The following KCNQ4 variants were observed in gnomAD, a reference collection of about 807,000 sequenced individuals.
KCNQ4 encodes the protein potassium voltage-gated channel subfamily Q member 4.
Under a neutral mutation model 72.6 loss-of-function variants are expected in KCNQ4, and 31 were observed. The observed-to-expected ratio is 0.43, with a 90% CI of 0.32 to 0.58. The LOEUF (loss-of-function observed/expected upper bound fraction) is 0.58. Among genes scored for constraint, KCNQ4 ranks in the 20% least tolerant of loss-of-function variants. The pLI is 0.08. For missense variants in KCNQ4, 869 were observed against 962.6 expected (o/e 0.90, Z 1.29); for synonymous variants, 405 against 403.7 (o/e 1.00, Z -0.04).
chr1:40,822,423 G>T, intron 8 of KCNQ4, 21 bp downstream of exon 8: 1 of 1,454,140 alleles, frequency 6.9e-7, no homozygotes, highest in South Asian at 1.2e-5. Context: ...CTGGGGGTGG[G>T]GGTGGGTGGG....
chr1:40,838,567 C>T lies in KCNQ4; in HGVS notation c.*44C>T, dbSNP rs1382957239. The T allele has an allele frequency of 6.3e-7, 1 of 1,584,304 alleles. No homozygotes were observed. The highest frequency in any genetic ancestry group is 1.1e-5 in the South Asian group (1 of 90,414). On this transcript the variant is annotated 3_prime_UTR_variant, in exon 14 of 14. Transcript: ENST00000347132. The stretch of plus-strand genomic sequence containing the variant: ...GGCAGCACACGGCCAGCCCCGCGGC[C>T]TGGCGCTCCGACTGCCCTCTGAGGC...
intron 1 of KCNQ4, among the ~76,000 whole-genome samples, chr1:40,793,345 C>G (rs974445714): frequency 2.0e-5 from 3 of 152,088 alleles, no homozygotes; most frequent in Admixed American, 2.0e-4. Flanking sequence ...TGTGGCTTTT[C>G]TCTCTTGGTT....
At chr1:40,819,526 C>G in intron 5 of KCNQ4, 54 bp downstream of exon 5, 1 of 1,607,570 alleles carries the variant, frequency 6.2e-7, no homozygotes, top group Middle Eastern at 1.7e-4. Context: ...TCCCTGGGAA[C>G]TTCCCGAGGT....
intron 7 of KCNQ4, among the ~76,000 whole-genome samples, chr1:40,821,700 A>G (rs1453670732): frequency 1.3e-5 from 2 of 152,208 alleles, no homozygotes; most frequent in Admixed American, 6.5e-5. Context: ...AAGCACCCAC[A>G]TGTGCCAGAC....
chr1:40,838,875 C>G lies in KCNQ4; in HGVS notation c.*352C>G, dbSNP rs748376433. 1.1e-4 allele frequency: 42 copies of G among 392,130 alleles called. No homozygotes were observed. The highest frequency in any genetic ancestry group is 1.5e-4 in the Non-Finnish European group (31 of 207,756). The allele number at this position is 392,130 out of a possible 1,614,324, so 24.3% of individuals were successfully genotyped here. ...GGGCGCTGGGGCCCTGGGCCCTGAC[C>G]CAGCTTCCAGCTATGCAAGGTGAGG... is the stretch of plus-strand genomic sequence containing the variant. On this transcript the variant is annotated 3_prime_UTR_variant, in exon 14 of 14. Coordinates refer to ENST00000347132, the MANE Select transcript of KCNQ4 (RefSeq NM_004700.4).
At chr1:40,818,345 G>T in intron 3 of KCNQ4, 55 bp downstream of exon 3, 1 of 1,609,534 alleles carries the variant, frequency 6.2e-7, no homozygotes. Flanking sequence ...CCAGGGTGAC[G>T]CCTTTACTCC....
At position 40,818,051 on chromosome 1, in the gene KCNQ4, G is replaced by T. The variant is rs1648152225; in HGVS notation, c.406-113G>T. ...AAGTCCAGGAAACTCCAGGAGAGGG[G>T]TCCGAGGAGGCCCTGGTCCCCCTAA... is the stretch of plus-strand genomic sequence containing the variant. On this transcript the variant is annotated intron_variant, in intron 2 of 13. Transcript: ENST00000347132. 2.8e-6 allele frequency: 4 copies of T among 1,419,386 alleles called. No homozygotes were observed. In the East Asian group the frequency reaches 9.1e-5, roughly 32 times the overall value. The allele number at this position is 1,419,386 out of a possible 1,614,324, so 87.9% of individuals were successfully genotyped here. A position where few individuals can be genotyped will look rare whatever the true frequency, so the allele number is the denominator to read the frequency against.
chr1:40,818,083 G>A, intron 2 of KCNQ4, 81 bp from the exon 3 acceptor site: 1 of 1,592,392 alleles, frequency 6.3e-7, no homozygotes, highest in Non-Finnish European at 8.6e-7. Flanking sequence ...CTAACCCAGG[G>A]ACTCTTGGCT....
chr1:40,809,191 T>C (rs1030618180), intron 1 of KCNQ4, among the ~76,000 whole-genome samples: 1 of 152,202 alleles, frequency 6.6e-6, no homozygotes, highest in African/African-American at 2.4e-5. Flanking sequence ...CCCAGCTCTC[T>C]GGCTATCCCT....
In KCNQ4 at chr1:40,784,498, C is replaced by G; in HGVS notation, c.314+91C>G. On this transcript the variant is annotated intron_variant, in intron 1 of 13. Coordinates refer to ENST00000347132, the MANE Select transcript of KCNQ4 (RefSeq NM_004700.4). This position sits in a 1 kb window ranked among gnomAD's most constrained non-coding sequence, Gnocchi z 4.1. Reference sequence around the variant, plus strand: ...GCCCCGCCCTGGCTCCGCCTTCTACCCCCCTGCCTCAGGGCCGACCCTCAT... The same window carrying G: ...GCCCCGCCCTGGCTCCGCCTTCTACGCCCCTGCCTCAGGGCCGACCCTCAT... 3.9e-6 allele frequency: 5 copies of G among 1,294,402 alleles called. No homozygotes were observed. Among genetic ancestry groups the G allele is most frequent in the Non-Finnish European group, 5.5e-6 (5 of 909,162 alleles). The allele number at this position is 1,294,402 out of a possible 1,614,324, so 80.2% of individuals were successfully genotyped here.
At chr1:40,834,845 C>T in intron 11 of KCNQ4, 122 bp from the exon 12 acceptor site, 1 of 1,339,250 alleles carries the variant, frequency 7.5e-7, no homozygotes, top group South Asian at 1.2e-5. Context: ...AGAGGCTGTT[C>T]ATGGTGGCCA....
At chr1:40,837,385 G>A (rs761936480) in intron 12 of KCNQ4, among the ~76,000 whole-genome samples, 4 of 152,206 alleles carry the variant, frequency 2.6e-5, no homozygotes, top group African/African-American at 4.8e-5. Context: ...GCGCCACTGC[G>A]CTGGGCCTCC....
intron 9 of KCNQ4, among the ~76,000 whole-genome samples, chr1:40,830,648 C>T (rs988675944): frequency 7.2e-5 from 11 of 152,146 alleles, no homozygotes; most frequent in Non-Finnish European, 1.3e-4. Flanking sequence ...GGAGGCCTAC[C>T]TCCGTGTGCA....
chr1:40,818,961 A>T (rs1371524337), intron 4 of KCNQ4: 3 of 580,268 alleles, frequency 5.2e-6, no homozygotes, highest in Non-Finnish European at 9.5e-6. Context: ...GTTTGAAGGG[A>T]CCACTCGTAC....
intron 1 of KCNQ4, among the ~76,000 whole-genome samples, chr1:40,789,669 A>G (rs1647243418): frequency 6.6e-6 from 1 of 152,088 alleles, no homozygotes; most frequent in African/African-American, 2.4e-5. Flanking sequence ...TCATTCTTCC[A>G]TTGAAGACGC....
chr1:40,786,431 C>T (rs1428128612), intron 1 of KCNQ4, among the ~76,000 whole-genome samples: 4 of 152,242 alleles, frequency 2.6e-5, no homozygotes, highest in Non-Finnish European at 5.9e-5. Flanking sequence ...GCCCCACATC[C>T]TGCCCTTTCC....
rs189206463 is a variant in KCNQ4, at chr1:40,815,564, C to T, written c.315-1701C>T. Among the ~76,000 whole-genome samples, 593 of 152,278 alleles carry T rather than the reference C, an allele frequency of 3.9e-3. 4 individuals carry two copies. The highest frequency in any genetic ancestry group is 7.1e-3 in the South Asian group (34 of 4,822). On this transcript the variant is annotated intron_variant, in intron 1 of 13. Transcript: ENST00000347132. ...AGCTGGTGCTCTTCTCTTCTGTTCTCCCGTACCCCGTGTTTTTGCTGACTC... is the reference window on the plus strand; with the variant it reads ...AGCTGGTGCTCTTCTCTTCTGTTCTTCCGTACCCCGTGTTTTTGCTGACTC...
rs1036235075 is a variant in KCNQ4, at chr1:40,784,635, C to A, written c.314+228C>A. ...TGACCTCGCTTCTGACCTCCCCGCA[C>A]CGCAACTGCTTATTTCCATCCTGAC... On this transcript the variant is annotated intron_variant, in intron 1 of 13. Coordinates refer to ENST00000347132, the MANE Select transcript of KCNQ4 (RefSeq NM_004700.4). This position sits in a 1 kb window ranked among gnomAD's most constrained non-coding sequence, Gnocchi z 4.1. 2.0e-5 allele frequency among the ~76,000 whole-genome samples: 3 copies of A among 152,178 alleles called. No homozygotes were observed. Among genetic ancestry groups the A allele is most frequent in the African/African-American group, 7.2e-5 (3 of 41,450 alleles).
intron 12 of KCNQ4, among the ~76,000 whole-genome samples, chr1:40,835,816 G>A (rs1017599569): frequency 6.6e-6 from 1 of 152,218 alleles, no homozygotes; most frequent in Non-Finnish European, 1.5e-5. Context: ...AGGTGAGAAG[G>A]TTCTAGAGGG....
Sources: allele counts gnomAD v4.1 joint callset (sites outside exome capture counted in the v4.1 genomes callset), GRCh38; gene constraint gnomAD v4.1.1; non-coding constraint Gnocchi (gnomAD v3.1); transcripts MANE v1.5; gene names NCBI Gene and HGNC (gene_info 2026-07-23, HGNC 2026-07-21).